The following CAMK1G variants were observed in gnomAD, a reference collection of about 807,000 sequenced individuals.
CAMK1G encodes calcium/calmodulin-dependent protein kinase type 1G.
Under a neutral mutation model 54.8 loss-of-function variants are expected in CAMK1G, and 27 were observed. The ratio of observed to expected loss-of-function variants is 0.49; its 90% CI spans 0.36 to 0.68. CAMK1G has a LOEUF of 0.68. Among genes scored for constraint, CAMK1G ranks in the 30% least tolerant of loss-of-function variants. The pLI is 0.00. For missense variants in CAMK1G, 512 were observed against 591.0 expected (o/e 0.87, Z 1.39); for synonymous variants, 238 against 224.9 (o/e 1.06, Z -0.52).
At chr1:209,591,005 A>G (rs982523909) in intron 1 of CAMK1G, among the ~76,000 whole-genome samples, 3 of 151,716 alleles carry the variant, frequency 2.0e-5, no homozygotes, top group African/African-American at 7.3e-5. Flanking sequence ...TGCATTCTAG[A>G]TGCCAAGCAC....
chr1:209,585,950 G>A (rs2102378284), intron 1 of CAMK1G, among the ~76,000 whole-genome samples: 1 of 152,374 alleles, frequency 6.6e-6, no homozygotes, highest in East Asian at 1.9e-4. Context: ...GGGGCTGAGT[G>A]GGAGCGGCTG....
Position 209,597,057 on chromosome 1 carries a change from A to C in CAMK1G, c.92+1982A>C, listed in dbSNP as rs116728204. Among the ~76,000 whole-genome samples, 1,431 of 152,334 alleles carry C rather than the reference A, an allele frequency of 9.4e-3. 26 individuals carry two copies. Among genetic ancestry groups the C allele is most frequent in the African/African-American group, 0.033 (1,365 of 41,568 alleles). On this transcript the variant is annotated intron_variant, in intron 2 of 12. Coordinates refer to ENST00000361322, the MANE Select transcript of CAMK1G (RefSeq NM_020439.3). ...GTTGCAGAAGTTAGAGCTGAGCGAA[A>C]GAGAAGACATCTCAGTGGTGCTCAG...
chr1:209,605,269 A>G (rs1252490240), intron 4 of CAMK1G, among the ~76,000 whole-genome samples: 1 of 152,176 alleles, frequency 6.6e-6, no homozygotes, highest in African/African-American at 2.4e-5. Flanking sequence ...GTGCAGCCCC[A>G]ACCAGAAGCA....
At position 209,606,304 on chromosome 1, in the gene CAMK1G, A is replaced by T. The variant is rs1558140398; in HGVS notation, c.436-16A>T. 1 of 1,612,984 alleles carries T rather than the reference A, an allele frequency of 6.2e-7. No homozygotes were observed. The highest frequency in any genetic ancestry group is 1.1e-5 in the South Asian group (1 of 90,884). ...CAGGTGGTTATATCCTACACTACATATTTTTTCTCCTACAGCCCGAAAACC... is the reference window on the plus strand; with the variant it reads ...CAGGTGGTTATATCCTACACTACATTTTTTTTCTCCTACAGCCCGAAAACC... On this transcript the variant is annotated splice_polypyrimidine_tract_variant and intron_variant, in intron 5 of 12. Transcript: ENST00000361322.
chr1:209,605,335 T>A (rs548562673), intron 4 of CAMK1G, among the ~76,000 whole-genome samples: 5 of 152,342 alleles, frequency 3.3e-5, no homozygotes, highest in South Asian at 4.1e-4. Flanking sequence ...CCCAAAGAGA[T>A]GACTGCCTAG....
intron 5 of CAMK1G, among the ~76,000 whole-genome samples, chr1:209,606,014 GAC>G (rs1388246768): frequency 2.6e-5 from 4 of 152,206 alleles, no homozygotes; most frequent in African/African-American, 9.7e-5. Flanking sequence ...GGAGAGATCA[GAC>G]ACCATTAACC....
chr1:209,607,675 T>A, intron 6 of CAMK1G, 183 bp from the exon 7 acceptor site: 1 of 546,546 alleles, frequency 1.8e-6, no homozygotes, highest in Admixed American at 3.4e-5. Flanking sequence ...GTCTCTCTTT[T>A]CAGGAAGATT....
chr1:209,612,311 T>G, intron 11 of CAMK1G, 95 bp downstream of exon 11: 1 of 1,343,934 alleles, frequency 7.4e-7, no homozygotes, highest in Non-Finnish European at 1.0e-6. Flanking sequence ...CCTCTCCCAC[T>G]CATAGGCAGC....
chr1:209,608,811 G>A (rs1665712155), intron 7 of CAMK1G, among the ~76,000 whole-genome samples, 169 bp from the exon 8 acceptor site: 1 of 152,178 alleles, frequency 6.6e-6, no homozygotes, highest in Non-Finnish European at 1.5e-5. Context: ...ACACTTTACG[G>A]GACCTGTACC....
chr1:209,603,432 T>C, intron 4 of CAMK1G, 144 bp downstream of exon 4: 1 of 666,968 alleles, frequency 1.5e-6, no homozygotes, highest in East Asian at 2.7e-5. Context: ...ATGCCAAGGG[T>C]CCTTTTAGAC....
intron 2 of CAMK1G, among the ~76,000 whole-genome samples, chr1:209,596,058 C>T (rs1665374897): frequency 6.6e-6 from 1 of 152,358 alleles, no homozygotes; most frequent in East Asian, 1.9e-4. Flanking sequence ...GGTAAGCTTT[C>T]TCTGTCGCCA....
chr1:209,584,075 T>A (rs1665030942), intron 1 of CAMK1G: 1 of 152,264 alleles, frequency 6.6e-6, no homozygotes, highest in South Asian at 2.1e-4. Flanking sequence ...CATGTGCCCC[T>A]CCTGCAATGC....
intron 1 of CAMK1G, among the ~76,000 whole-genome samples, chr1:209,587,847 G>A (rs917278792): frequency 6.6e-5 from 10 of 151,082 alleles, no homozygotes; most frequent in African/African-American, 2.4e-4. Flanking sequence ...TTACCCTTTT[G>A]TAACCAAGCG....
At chr1:209,584,099 A>G (rs1665032544) in intron 1 of CAMK1G, among the ~76,000 whole-genome samples, 1 of 152,106 alleles carries the variant, frequency 6.6e-6, no homozygotes, top group Non-Finnish European at 1.5e-5. Context: ...CATTCTAGGG[A>G]CAAGGCTCTG....
chr1:209,592,569 G>A (rs777114314), intron 1 of CAMK1G, among the ~76,000 whole-genome samples: 15 of 152,100 alleles, frequency 9.9e-5, no homozygotes, highest in Non-Finnish European at 1.5e-4. Flanking sequence ...TGCAGGCAGC[G>A]CTCCTCCTAG....
In CAMK1G at chr1:209,594,039, T is replaced by C. The variant is rs552571439; in HGVS notation, c.-29-916T>C. Reference sequence around the variant, plus strand: ...CTCCCTTCCAGCTTTGGTGTTTTATTTCCTTTGCACAGAAGCTCCTTCACA... The same window carrying C: ...CTCCCTTCCAGCTTTGGTGTTTTATCTCCTTTGCACAGAAGCTCCTTCACA... On this transcript the variant is annotated intron_variant, in intron 1 of 12. Coordinates refer to ENST00000361322, the MANE Select transcript of CAMK1G (RefSeq NM_020439.3). Among the ~76,000 whole-genome samples, 16 of 152,298 alleles carry C rather than the reference T, an allele frequency of 1.1e-4. No homozygotes were observed. The South Asian group carries it at 3.3e-3, about 32-fold the overall frequency.
intron 2 of CAMK1G, 119 bp downstream of exon 2, chr1:209,595,194 G>A (rs1041216201): frequency 6.1e-5 from 44 of 726,558 alleles, no homozygotes; most frequent in East Asian, 5.2e-5. Flanking sequence ...ACTTCATTTC[G>A]ATTTATTTAA....
At chr1:209,593,759 T>TGCTGCAG (rs753224543) in intron 1 of CAMK1G, among the ~76,000 whole-genome samples, 1 of 151,752 alleles carries the variant, frequency 6.6e-6, no homozygotes, top group Non-Finnish European at 1.5e-5. Flanking sequence ...TCTCTTCACA[T>TGCTGCAG]CTCTCTCCCT....
rs747174044 is a variant in CAMK1G, at chr1:209,612,150, T to C, written c.1274T>C (p.Ile425Thr). Residue 425 changes from isoleucine (I) to threonine (T), a missense_variant, in exon 11 of 13, where the codon ATT becomes ACT. Physicochemically the swap from Ile to Thr is moderately conservative, Grantham distance 89. This residue lies in a region of CAMK1G where 315 missense variants were observed against 330.5 expected (regional missense o/e 0.95). Coordinates refer to ENST00000361322, the MANE Select transcript of CAMK1G (RefSeq NM_020439.3). ...PCGCCSSCLN[I>T]GSKGKSSYCS... ...GGCTGCTGCTCCAGCTGCCTGAACA[T>C]TGGGAGCAAAGGAAAGTCCTCCTAC... The C allele has an allele frequency of 7.4e-5, 120 of 1,614,074 alleles. No individual in the cohort carries two copies. Among genetic ancestry groups the C allele is most frequent in the East Asian group, 8.9e-5 (4 of 44,898 alleles).
Sources: gnomAD v4.1 joint callset for allele counts (sites outside exome capture counted in the v4.1 genomes callset) on GRCh38, gnomAD v4.1.1 for gene constraint, gnomAD v4.1.1 regional missense constraint, MANE v1.5 for transcripts, NCBI Gene and HGNC (gene_info 2026-07-23, HGNC 2026-07-21) for gene names.